CTIF: variants seen among roughly 807,000 people sequenced by gnomAD.
CTIF encodes CBP80/20-dependent translation initiation factor.
A neutral mutation model predicts 66.0 loss-of-function variants in CTIF; 21 were observed. The observed-to-expected ratio is 0.32, with a 90% CI of 0.23 to 0.46. CTIF has a LOEUF of 0.46. CTIF is among the 20% of genes least tolerant of loss of function. The probability of loss-of-function intolerance (pLI) is 1.00; values close to 1 mark genes in which losing one functional copy is unlikely to be tolerated. For missense variants in CTIF, 739 were observed against 812.7 expected (o/e 0.91, Z 1.10); for synonymous variants, 345 against 326.4 (o/e 1.06, Z -0.62).
At chr18:48,649,056 C>A (rs760926833) in intron 3 of CTIF, among the ~76,000 whole-genome samples, 6 of 152,228 alleles carry the variant, frequency 3.9e-5, no homozygotes, top group Non-Finnish European at 5.9e-5. Context: ...AGACAGGTGA[C>A]TTCTGCATTT....
At chr18:48,617,871 G>A (rs1034644945) in intron 1 of CTIF, among the ~76,000 whole-genome samples, 5 of 152,196 alleles carry the variant, frequency 3.3e-5, no homozygotes, top group Non-Finnish European at 7.3e-5. Flanking sequence ...TGAGCTCAGG[G>A]GGCCCAGAGC....
chr18:48,696,727 C>T (rs373445425), intron 6 of CTIF, among the ~76,000 whole-genome samples: 28 of 152,322 alleles, frequency 1.8e-4, no homozygotes, highest in African/African-American at 5.5e-4. Flanking sequence ...TCTCCATTTT[C>T]AGGCAGAGGA....
chr18:48,825,225 T>C (rs2068559641), intron 10 of CTIF, among the ~76,000 whole-genome samples: 1 of 152,014 alleles, frequency 6.6e-6, no homozygotes, highest in Admixed American at 6.5e-5. Flanking sequence ...GCCCCCTGGC[T>C]CTTCTCCCCT....
chr18:48,670,746 T>C lies in CTIF; in HGVS notation c.507+2T>C. The C allele has an allele frequency of 6.2e-7, 1 of 1,613,464 alleles. No individual in the cohort carries two copies. ...GAGAAGGTCCTTCCAGCCTGGCAGGTAGGTGCAGGGGCAGGCTCTCTAACA... is the reference window on the plus strand; with the variant it reads ...GAGAAGGTCCTTCCAGCCTGGCAGGCAGGTGCAGGGGCAGGCTCTCTAACA... On this transcript the variant is annotated splice_donor_variant, in intron 6 of 11. Transcript: ENST00000256413. LOFTEE classifies it high-confidence loss of function.
chr18:48,700,266 T>A (rs962283551), intron 6 of CTIF, among the ~76,000 whole-genome samples: 1 of 152,236 alleles, frequency 6.6e-6, no homozygotes, highest in Non-Finnish European at 1.5e-5. Flanking sequence ...CTTTGCCTTC[T>A]GCCATAATTG....
chr18:48,849,466 A>G (rs1313347557), intron 10 of CTIF, among the ~76,000 whole-genome samples: 1 of 151,492 alleles, frequency 6.6e-6, no homozygotes, highest in East Asian at 1.9e-4. Context: ...CCAAAGTGCT[A>G]GGATTACAGG....
chr18:48,673,134 G>T (rs574967196), intron 6 of CTIF, among the ~76,000 whole-genome samples: 9 of 152,030 alleles, frequency 5.9e-5, no homozygotes, highest in Non-Finnish European at 1.0e-4. Flanking sequence ...CTCCCACCAC[G>T]TCGCACCTGC....
chr18:48,780,144 A>C (rs1194169624), intron 9 of CTIF, among the ~76,000 whole-genome samples: 1 of 152,176 alleles, frequency 6.6e-6, no homozygotes, highest in African/African-American at 2.4e-5. Context: ...GTAAGAGGCC[A>C]AGCCTGCAAA....
In CTIF at chr18:48,664,647, C is replaced by T. The variant is rs542141646; in HGVS notation, c.431+96C>T. On this transcript the variant is annotated intron_variant, in intron 5 of 11. Transcript: ENST00000256413. ...GGAGGCTGCTCTGCTGCACAGGGGA[C>T]TCAGGTGGCTGATGCCCCGGGATGC... 2.0e-4 allele frequency: 203 copies of T among 1,029,458 alleles called. 1 individual carries two copies. The South Asian group carries it at 2.7e-3, about 14-fold the overall frequency. 63.8% of individuals were successfully genotyped at this position (1,029,458 alleles called of 1,614,324 possible).
intron 6 of CTIF, among the ~76,000 whole-genome samples, chr18:48,706,881 C>T (rs1427134580): frequency 6.6e-6 from 1 of 152,224 alleles, no homozygotes; most frequent in Non-Finnish European, 1.5e-5. Flanking sequence ...ATCTACTTGT[C>T]TCTCAGGCCC....
intron 10 of CTIF, among the ~76,000 whole-genome samples, chr18:48,853,457 TC>T (rs1274918566): frequency 6.6e-6 from 1 of 151,974 alleles, no homozygotes; most frequent in African/African-American, 2.4e-5. Context: ...ACCCCGAGGG[TC>T]CTCAGTGCCT....
At chr18:48,841,123 A>G (rs2068930864) in intron 10 of CTIF, among the ~76,000 whole-genome samples, 1 of 152,158 alleles carries the variant, frequency 6.6e-6, no homozygotes, top group Non-Finnish European at 1.5e-5. Flanking sequence ...TGAGGTTGGT[A>G]AAAGCCCCCT....
At chr18:48,626,000 C>CTTTTTTTTTTTTTTT (rs74174709) in intron 2 of CTIF, among the ~76,000 whole-genome samples, 58 of 109,132 alleles carry the variant, frequency 5.3e-4, no homozygotes, top group Middle Eastern at 5.6e-3. Context: ...CTTTTTCTTT[C>CTTTTTTTTTTTTTTT]TTTTTTTTTT....
At chr18:48,796,130 G>A (rs2067911461) in intron 9 of CTIF, among the ~76,000 whole-genome samples, 1 of 152,056 alleles carries the variant, frequency 6.6e-6, no homozygotes, top group African/African-American at 2.4e-5. Context: ...CAAGTAGCTG[G>A]GACTACAGGC....
At chr18:48,797,433 A>C (rs535197929) in intron 9 of CTIF, among the ~76,000 whole-genome samples, 65 of 148,944 alleles carry the variant, frequency 4.4e-4, no homozygotes, top group African/African-American at 1.5e-3. Flanking sequence ...CAGTGAGCCA[A>C]GATCGCACCA....
chr18:48,693,920 C>A (rs912698156), intron 6 of CTIF, among the ~76,000 whole-genome samples: 1 of 152,260 alleles, frequency 6.6e-6, no homozygotes, highest in Non-Finnish European at 1.5e-5. Flanking sequence ...GATCCCTGCT[C>A]TAGAGGGTTG....
chr18:48,847,731 A>T (rs1327497474), intron 10 of CTIF, among the ~76,000 whole-genome samples: 1 of 152,248 alleles, frequency 6.6e-6, no homozygotes, highest in Admixed American at 6.5e-5. Flanking sequence ...TCCTAGGCAG[A>T]TACTATCCCT....
rs567904949 is a variant in CTIF at position 48,563,348 on chromosome 18, C to G, written c.-29+24036C>G. ...TTGAAGGTGACTTTTGTATTCATCT[C>G]TCTGGGATCTTGGGAGACAGTTTCA... is the stretch of plus-strand genomic sequence containing the variant. On this transcript the variant is annotated intron_variant, in intron 1 of 11. Coordinates refer to ENST00000256413, the MANE Select transcript of CTIF (RefSeq NM_014772.3). Among the ~76,000 whole-genome samples, 7 of 152,362 alleles carry G rather than the reference C, an allele frequency of 4.6e-5. No individual in the cohort carries two copies. The East Asian group carries it at 7.7e-4, about 17-fold the overall frequency.
intron 10 of CTIF, among the ~76,000 whole-genome samples, chr18:48,818,019 C>T (rs1261001602): frequency 6.6e-6 from 1 of 152,204 alleles, no homozygotes. Context: ...ACTGGTTTGC[C>T]ACTGGATTAT....
Sources: allele counts gnomAD v4.1 joint callset (sites outside exome capture counted in the v4.1 genomes callset), GRCh38; gene constraint gnomAD v4.1.1; transcripts MANE v1.5; gene names NCBI Gene and HGNC (gene_info 2026-07-23, HGNC 2026-07-21).